Variants in GALE observed in about 807,000 individuals in gnomAD.
GALE encodes UDP-galactose-4-epimerase.
Under a neutral mutation model 44.1 loss-of-function variants are expected in GALE, and 32 were observed. The observed-to-expected ratio is 0.73, with a 90% confidence interval of 0.55 to 0.97. The LOEUF is 0.97. GALE is among the 50% of genes least tolerant of loss of function. The pLI is 0.00. For missense variants in GALE, 423 were observed against 455.6 expected (o/e 0.93, Z 0.65); for synonymous variants, 182 against 183.5 (o/e 0.99, Z 0.06).
chr1:23,799,323 G>A (rs1183633830), intron 2 of GALE, 43 bp downstream of exon 2: 13 of 423,164 alleles, frequency 3.1e-5, no homozygotes, highest in South Asian at 2.8e-4. Context: ...GCAGAGCTGG[G>A]GAGACCTGAC....
rs745924834 is a variant in GALE, at chr1:23,798,272, G to A, written c.238-42C>T. 1 of 1,446,040 alleles carries A rather than the reference G, an allele frequency of 6.9e-7. No individual in the cohort carries two copies. The highest frequency in any genetic ancestry group is 1.1e-5 in the South Asian group (1 of 87,724). 89.6% of individuals were successfully genotyped at this position (1,446,040 alleles called of 1,614,324 possible). On this transcript the variant is annotated intron_variant, in intron 4 of 11. Transcript: ENST00000617979. The surrounding 1 kb of genome is among the most constrained non-coding windows in gnomAD (Gnocchi z 4.5). ...GCCAGAGGTTGCTCTACTGGTTTTA[G>A]TCCTTGGCAATGCCCTCAGCCTGCC...
rs201437329 is a variant in GALE at position 23,798,202 on chromosome 1, G to A, written c.266C>T (p.Ala89Val). 172 of 1,613,926 alleles carry A rather than the reference G, an allele frequency of 1.1e-4. No individual in the cohort carries two copies. The highest frequency in any genetic ancestry group is 3.3e-5 in the South Asian group (3 of 91,084). ...KYSFMAVIHFAGLKAVGESVQ... is the reference protein window; with the variant it reads ...KYSFMAVIHFVGLKAVGESVQ... Reference sequence around the variant, plus strand: ...CGACTCGCCCACGGCCTTGAGCCCCGCAAAGTGGATGACCGCCATAAAGCT... The same window carrying A: ...CGACTCGCCCACGGCCTTGAGCCCCACAAAGTGGATGACCGCCATAAAGCT... Residue 89 changes from alanine (A) to valine (V), a missense_variant, in exon 5 of 12, where the codon GCG (alanine) becomes GTG (valine). Physicochemically the swap from Ala to Val is moderately conservative, Grantham distance 64 (BLOSUM62 0). Coordinates refer to ENST00000617979, the MANE Select transcript of GALE (RefSeq NM_001008216.2). The surrounding 1 kb of genome is among the most constrained non-coding windows in gnomAD (Gnocchi z 4.5).
In GALE at chr1:23,798,463, C is replaced by T. The variant is rs775645592; in HGVS notation, c.237+152G>A. ...GGGACCACAGGTATGGGCTACCATG[C>T]CCAGCTAATTTTTGTATTTTTCTGT... On this transcript the variant is annotated intron_variant, in intron 4 of 11. Transcript: ENST00000617979. The surrounding 1 kb of genome is among the most constrained non-coding windows in gnomAD (Gnocchi z 4.5). 1.8e-5 allele frequency: 13 copies of T among 705,430 alleles called. 1 individual carries two copies. The South Asian group carries it at 2.1e-4, about 11-fold the overall frequency. The allele number at this position is 705,430 out of a possible 1,614,324, so 43.7% of individuals were successfully genotyped here. A position where few individuals can be genotyped will look rare whatever the true frequency, so the allele number is the denominator to read the frequency against.
rs199622680 is a variant in GALE, at chr1:23,796,020, G to T, written c.989-13C>A. On this transcript the variant is annotated splice_polypyrimidine_tract_variant and intron_variant, in intron 11 of 11. Transcript: ENST00000617979. This position sits in a 1 kb window ranked among gnomAD's most constrained non-coding sequence, Gnocchi z 5.2. ...CAGAGATCCTCACCTGCAACACGGC[G>T]AGGTGTGTGCTCAGGGCCCACGGTG... 3 of 1,613,610 alleles carry T rather than the reference G, an allele frequency of 1.9e-6. No individual in the cohort carries two copies. Among genetic ancestry groups the T allele is most frequent in the African/African-American group, 2.7e-5 (2 of 74,918 alleles).
At chr1:23,800,210 CT>C (rs967651030) in intron 1 of GALE, 1 of 152,558 alleles carries the variant, frequency 6.6e-6, no homozygotes, top group African/African-American at 2.4e-5. Flanking sequence ...CAGCCCGGCC[CT>C]CTCCCCAGGC....
At chr1:23,797,657 G>A (rs945056112) in intron 6 of GALE, 38 bp downstream of exon 6, 12 of 1,601,596 alleles carry the variant, frequency 7.5e-6, no homozygotes, top group Admixed American at 3.3e-5. Flanking sequence ...GGAGTCCATC[G>A]ATCAGTGGAG....
intron 2 of GALE, 58 bp downstream of exon 2, chr1:23,799,308 C>T: frequency 2.2e-6 from 1 of 448,128 alleles, no homozygotes; most frequent in Non-Finnish European, 4.2e-6. Context: ...TAAGGGCCCG[C>T]CACAGCAGAG....
Position 23,797,846 on chromosome 1 carries a change from T to C in GALE, c.377A>G (p.Asn126Ser). 1 of 1,614,150 alleles carries C rather than the reference T, an allele frequency of 6.2e-7. No individual in the cohort carries two copies. Among genetic ancestry groups the C allele is most frequent in the East Asian group, 2.2e-5 (1 of 44,870 alleles). Residue 126 changes from asparagine to serine, a missense_variant, in exon 6 of 12, where the codon AAC (asparagine) becomes AGC (serine). By Grantham distance (46) the Asn-to-Ser change is conservative (BLOSUM62 1). Coordinates refer to ENST00000617979, the MANE Select transcript of GALE (RefSeq NM_001008216.2). ...LEIMKAHGVK[N>S]LVFSSSATVY... ...AGTGGCTGAGCTGCTGAACACCAGG[T>C]TCTTCACCCCGTGGGCCTTCATGAT... is the stretch of plus-strand genomic sequence containing the variant.
In GALE at chr1:23,798,311, C is replaced by CT. The variant is rs372075997; in HGVS notation, c.238-82dup. ...CCTCAGCCTGCCTGCCTGCACTCAC[C>CT]TTTTTTTTTTTTTTTGACAGTCTCG... On this transcript the variant is annotated intron_variant, in intron 4 of 11. Coordinates refer to ENST00000617979, the MANE Select transcript of GALE (RefSeq NM_001008216.2). The surrounding 1 kb of genome is among the most constrained non-coding windows in gnomAD (Gnocchi z 4.5). 0.059 allele frequency: 44,644 copies of CT among 756,180 alleles called. 30 individuals are homozygous for CT. The highest frequency in any genetic ancestry group is 0.082 in the East Asian group (2,851 of 34,926). 46.8% of individuals were successfully genotyped at this position (756,180 alleles called of 1,614,324 possible).
Position 23,798,890 on chromosome 1 carries a change from G to C in GALE, c.118C>G (p.Arg40Gly). 4 of 1,614,150 alleles carry C rather than the reference G, an allele frequency of 2.5e-6. No homozygotes were observed. The highest frequency in any genetic ancestry group is 1.7e-5 in the Admixed American group (1 of 60,024). The change falls in exon 3 of 12, where the codon CGT becomes GGT. Residue 40 changes from arginine (R) to glycine (G), a missense_variant. Arg to Gly is a moderately radical substitution (Grantham distance 125, BLOSUM62 -2). Transcript: ENST00000617979. This position sits in a 1 kb window ranked among gnomAD's most constrained non-coding sequence, Gnocchi z 4.5. The part of the protein sequence containing the change: ...VVIDNFHNAF[R>G]GGGSLPESLR... Reference sequence around the variant, plus strand: ...CCAGCCCCACTGCCCCGCTCACCACGGAAGGCATTATGGAAGTTATCGATG... The same window carrying C: ...CCAGCCCCACTGCCCCGCTCACCACCGAAGGCATTATGGAAGTTATCGATG...
Position 23,798,353 on chromosome 1 carries a change from G to A in GALE, c.238-123C>T. 1 of 761,770 alleles carries A rather than the reference G, an allele frequency of 1.3e-6. No individual in the cohort carries two copies. The highest frequency in any genetic ancestry group is 2.7e-5 in the East Asian group (1 of 37,528). The allele number at this position is 761,770 out of a possible 1,614,324, so 47.2% of individuals were successfully genotyped here. A position where few individuals can be genotyped will look rare whatever the true frequency, so the allele number is the denominator to read the frequency against. On this transcript the variant is annotated intron_variant, in intron 4 of 11. Coordinates refer to ENST00000617979, the MANE Select transcript of GALE (RefSeq NM_001008216.2). The surrounding 1 kb of genome is among the most constrained non-coding windows in gnomAD (Gnocchi z 4.5). ...ACAGTCTCGCTCTGTTGTCCAGGCT[G>A]GAGTACAGTGGTGCCATCTCAGCTC...
chr1:23,799,150 G>GCC (rs2148412699), intron 2 of GALE, 138 bp from the exon 3 acceptor site: 1 of 1,139,310 alleles, frequency 8.8e-7, no homozygotes, highest in Non-Finnish European at 1.3e-6. Flanking sequence ...TCAGAAGTCA[G>GCC]CCCTGGGGCA....
chr1:23,799,064 TTCCTTCCCACTGGAA>T, intron 2 of GALE, 52 bp from the exon 3 acceptor site: 1 of 1,612,766 alleles, frequency 6.2e-7, no homozygotes, highest in Non-Finnish European at 8.5e-7. Flanking sequence ...TGCTCAGAGC[TTCCTTCCCACTGGAA>T]TCCTGCCCCC....
Position 23,798,255 on chromosome 1 carries a change from T to C in GALE, c.238-25A>G, listed in dbSNP as rs770244687. 1.2e-5 allele frequency: 19 copies of C among 1,566,028 alleles called. No individual in the cohort carries two copies. The highest frequency in any genetic ancestry group is 1.7e-5 in the Non-Finnish European group (19 of 1,136,936). On this transcript the variant is annotated intron_variant, in intron 4 of 11. Coordinates refer to ENST00000617979, the MANE Select transcript of GALE (RefSeq NM_001008216.2). This position sits in a 1 kb window ranked among gnomAD's most constrained non-coding sequence, Gnocchi z 4.5. ...ACTGCAGGGGTGACATGGCCAGAGG[T>C]TGCTCTACTGGTTTTAGTCCTTGGC...
In GALE at chr1:23,798,921, A is replaced by C; in HGVS notation, c.87T>G (p.Pro29=). The C allele has an allele frequency of 6.2e-7, 1 of 1,614,186 alleles. No individual in the cohort carries two copies. The highest frequency in any genetic ancestry group is 2.2e-5 in the East Asian group (1 of 44,876). The change falls in exon 3 of 12, where the codon CCT becomes CCG. Residue 29 remains proline, a synonymous_variant. Transcript: ENST00000617979. The surrounding 1 kb of genome is among the most constrained non-coding windows in gnomAD (Gnocchi z 4.5). ...CATTATGGAAGTTATCGATGACCACAGGCAAGTAGCCAGCCTCCAGCAGCT... is the reference window on the plus strand; with the variant it reads ...CATTATGGAAGTTATCGATGACCACCGGCAAGTAGCCAGCCTCCAGCAGCT... ...VLELLEAGYL[P]VVIDNFHNAF...
chr1:23,799,859 C>G (rs776316421), intron 1 of GALE: 4 of 152,420 alleles, frequency 2.6e-5, no homozygotes, highest in Non-Finnish European at 4.4e-5. Context: ...CAGGTGCGCA[C>G]CTCCACCCTG....
rs751079525 is a variant in GALE at position 23,798,236 on chromosome 1, G to A, written c.238-6C>T. ...ATGACCGCCATAAAGCTGTACTGCA[G>A]GGGTGACATGGCCAGAGGTTGCTCT... is the stretch of plus-strand genomic sequence containing the variant. On this transcript the variant is annotated splice_region_variant and splice_polypyrimidine_tract_variant and intron_variant, in intron 4 of 11. Transcript: ENST00000617979. The surrounding 1 kb of genome is among the most constrained non-coding windows in gnomAD (Gnocchi z 4.5). 45 of 1,607,006 alleles carry A rather than the reference G, an allele frequency of 2.8e-5. No homozygotes were observed. The highest frequency in any genetic ancestry group is 3.7e-5 in the Non-Finnish European group (43 of 1,173,712).
Position 23,798,655 on chromosome 1 carries a change from T to TC in GALE, c.196dup (p.Asp66GlyfsTer43), listed in dbSNP as rs1639038679. The TC allele has an allele frequency of 1.2e-6, 2 of 1,613,816 alleles. No homozygotes were observed. Among genetic ancestry groups the TC allele is most frequent in the Non-Finnish European group, 1.7e-6 (2 of 1,179,854 alleles). The stretch of plus-strand genomic sequence containing the variant: ...CTGTAGGGCTCCCTGGTCCAAAATG[T>TC]CCATCTCCTCAAACTCCACAGAGCG... On this transcript the variant is annotated frameshift_variant, in exon 4 of 12. Transcript: ENST00000617979. LOFTEE classifies it high-confidence loss of function. The surrounding 1 kb of genome is among the most constrained non-coding windows in gnomAD (Gnocchi z 4.5).
chr1:23,797,583 G>A, intron 6 of GALE, 112 bp downstream of exon 6: 1 of 1,056,414 alleles, frequency 9.5e-7, no homozygotes, highest in Middle Eastern at 2.9e-4. Flanking sequence ...AACTGCCTGA[G>A]CCTTAGCTTC....
Sources: allele counts gnomAD v4.1 joint callset, GRCh38; gene constraint gnomAD v4.1.1; non-coding constraint Gnocchi (gnomAD v3.1); transcripts MANE v1.5; gene names NCBI Gene and HGNC (gene_info 2026-07-23, HGNC 2026-07-21).